Variants in RAD9B observed in about 807,000 individuals in gnomAD.
RAD9B encodes cell cycle checkpoint control protein RAD9B.
Under a neutral mutation model 48.3 loss-of-function variants are expected in RAD9B, and 41 were observed. The observed-to-expected ratio is 0.85, with a 90% confidence interval of 0.66 to 1.10. The LOEUF is 1.10. Ranked by LOEUF, RAD9B falls within the 50% of genes least tolerant of loss-of-function variation. The pLI, the probability that RAD9B is intolerant of heterozygous loss-of-function variation, is 0.00. For missense variants in RAD9B, 444 were observed against 485.1 expected, an observed-to-expected ratio of 0.92 and a Z score of 0.80; for synonymous variants, 160 against 157.9, an observed-to-expected ratio of 1.01 and a Z score of -0.10.
At chr12:110,517,750 TG>T (rs1470221779) in intron 6 of RAD9B, among the ~76,000 whole-genome samples, 2 of 68,464 alleles carry the variant, frequency 2.9e-5, no homozygotes, top group Non-Finnish European at 3.0e-5. Context: ...CACAAAACAT[TG>T]ACACACACAC....
chr12:110,519,592 G>C (rs969927254), intron 8 of RAD9B, among the ~76,000 whole-genome samples: 1 of 151,250 alleles, frequency 6.6e-6, no homozygotes, highest in Non-Finnish European at 1.5e-5. Context: ...CATCATGCCC[G>C]GCTAATTTTT....
chr12:110,507,531 A>T (rs12824570), intron 4 of RAD9B, among the ~76,000 whole-genome samples: 8 of 134,928 alleles, frequency 5.9e-5, no homozygotes, highest in Admixed American at 3.2e-4. Flanking sequence ...ATATGTATTA[A>T]ATATAATACA....
In RAD9B at chr12:110,530,856, A is replaced by T; in HGVS notation, c.*203A>T. The T allele has an allele frequency of 7.5e-7, 1 of 1,329,632 alleles. No homozygotes were observed. The highest frequency in any genetic ancestry group is 9.6e-7 in the Non-Finnish European group (1 of 1,038,054). The allele number at this position is 1,329,632 out of a possible 1,614,324, so 82.4% of individuals were successfully genotyped here. A position where few individuals can be genotyped will look rare whatever the true frequency, so the allele number is the denominator to read the frequency against. On this transcript the variant is annotated 3_prime_UTR_variant, in exon 11 of 11. Coordinates refer to ENST00000409300, the MANE Select transcript of RAD9B (RefSeq NM_001286535.2). ...AGTGTATGTAACTTGCTTTAAATCCATTATGCTACTTGTGAGGCAGAAGAG... is the reference window on the plus strand; with the variant it reads ...AGTGTATGTAACTTGCTTTAAATCCTTTATGCTACTTGTGAGGCAGAAGAG...
intron 5 of RAD9B, among the ~76,000 whole-genome samples, chr12:110,513,217 C>T (rs1328834003): frequency 6.6e-6 from 1 of 151,892 alleles, no homozygotes; most frequent in African/African-American, 2.4e-5. Context: ...ATCCACCTGC[C>T]TTGGCCCCCT....
rs967852732 is a variant in RAD9B at position 110,533,379 on chromosome 12, T to C, written c.*2726T>C. ...TCTTGGGTAATAAGACAAATAATGA[T>C]AGTCTCAACAGAAAAAAAGCAGCTC... On this transcript the variant is annotated 3_prime_UTR_variant, in exon 11 of 11. Transcript: ENST00000409300. 2.6e-5 allele frequency: 4 copies of C among 152,214 alleles called. No homozygotes were observed. The highest frequency in any genetic ancestry group is 4.4e-5 in the Non-Finnish European group (3 of 68,042). The allele number at this position is 152,214 out of a possible 1,614,324, so 9.4% of individuals were successfully genotyped here.
chr12:110,506,418 G>C (rs190940577), intron 3 of RAD9B, among the ~76,000 whole-genome samples, 161 bp from the exon 4 acceptor site: 1 of 146,436 alleles, frequency 6.8e-6, no homozygotes, highest in Non-Finnish European at 1.5e-5. Context: ...TCGATCTCCT[G>C]ACCTCGTGAT....
chr12:110,513,788 A>G (rs2135687814), intron 5 of RAD9B, among the ~76,000 whole-genome samples: 1 of 151,128 alleles, frequency 6.6e-6, no homozygotes, highest in South Asian at 2.1e-4. Flanking sequence ...CAGTGATGTG[A>G]TCTTGGCTCA....
intron 4 of RAD9B, among the ~76,000 whole-genome samples, chr12:110,512,088 G>A (rs2063477327): frequency 1.3e-5 from 2 of 150,578 alleles, no homozygotes; most frequent in Admixed American, 6.6e-5. Flanking sequence ...CTCATGATCC[G>A]CCCGCCTCAG....
Position 110,515,041 on chromosome 12 carries a change from A to G in RAD9B, c.489-9A>G, listed in dbSNP as rs780572337. The G allele has an allele frequency of 2.7e-6, 4 of 1,508,378 alleles. No homozygotes were observed. Among genetic ancestry groups the G allele is most frequent in the Non-Finnish European group, 3.6e-6 (4 of 1,108,290 alleles). The allele number at this position is 1,508,378 out of a possible 1,614,324, so 93.4% of individuals were successfully genotyped here. On this transcript the variant is annotated splice_polypyrimidine_tract_variant and intron_variant, in intron 5 of 10. Coordinates refer to ENST00000409300, the MANE Select transcript of RAD9B (RefSeq NM_001286535.2). ...AAATAATGTTAATACTGTTCTTTAC[A>G]TTTTATAGATTGCTTGCTGATGCCA...
intron 9 of RAD9B, among the ~76,000 whole-genome samples, chr12:110,520,628 C>CTTTTTTTTTTTTTTTTTTTGTTTTTTT (rs71083129): frequency 4.0e-5 from 4 of 99,968 alleles, no homozygotes; most frequent in African/African-American, 8.0e-5. Context: ...TTCTTGCTTT[C>CTTTTTTTTTTTTTTTTTTTGTTTTTTT]TTTTTTTTTT....
In RAD9B at chr12:110,502,367, C is replaced by T. The variant is rs1020788983; in HGVS notation, c.30C>T (p.Ser10=). 1 of 1,613,748 alleles carries T rather than the reference C, an allele frequency of 6.2e-7. No homozygotes were observed. The highest frequency in any genetic ancestry group is 8.5e-7 in the Non-Finnish European group (1 of 1,179,814). The change falls in exon 1 of 11, where the codon AGC becomes AGT. Residue 10 remains serine, a synonymous_variant. Transcript: ENST00000409300. ...CAGCCATGCTGAAGTGCGTGATGAG[C>T]GGCAGTCAGGTGAAAGGTGGAGCGG... MAAMLKCVM[S]GSQVKVFGKA...
chr12:110,517,971 G>A (rs1239799565), intron 6 of RAD9B, among the ~76,000 whole-genome samples: 2 of 152,044 alleles, frequency 1.3e-5, no homozygotes, highest in Non-Finnish European at 2.9e-5. Flanking sequence ...GGTGGATCAC[G>A]AGGTCAGGAG....
intron 8 of RAD9B, among the ~76,000 whole-genome samples, chr12:110,519,405 A>G (rs867085206): frequency 6.8e-6 from 1 of 147,022 alleles, no homozygotes; most frequent in Non-Finnish European, 1.5e-5. Flanking sequence ...CACCCGGCCT[A>G]CTGTTTGTTG....
rs535138267 is a variant in RAD9B at position 110,505,862 on chromosome 12, T to C, written c.273+90T>C. ...TGTATTCTATACTTAATAGTTTAAA[T>C]GGCATTCAGGACAAATCTGTTCATT... On this transcript the variant is annotated intron_variant, in intron 3 of 10. Transcript: ENST00000409300. The C allele has an allele frequency of 3.1e-5, 31 of 996,418 alleles. No individual in the cohort carries two copies. The East Asian group carries it at 8.5e-4, about 27-fold the overall frequency. The allele number at this position is 996,418 out of a possible 1,614,324, so 61.7% of individuals were successfully genotyped here.
At position 110,530,890 on chromosome 12, in the gene RAD9B, G is replaced by C. The variant is rs1229662916; in HGVS notation, c.*237G>C. The C allele has an allele frequency of 1.6e-6, 2 of 1,242,734 alleles. No homozygotes were observed. The highest frequency in any genetic ancestry group is 7.0e-5 in the East Asian group (2 of 28,550). The allele number at this position is 1,242,734 out of a possible 1,614,324, so 77.0% of individuals were successfully genotyped here. On this transcript the variant is annotated 3_prime_UTR_variant, in exon 11 of 11. Transcript: ENST00000409300. ...CTTGTGAGGCAGAAGAGTTTTCTGT[G>C]AAGGAAAAAAGCCCATTAGAGTTCT... is the stretch of plus-strand genomic sequence containing the variant.
At chr12:110,520,628 C>CTTTTTTTTTTTTTTTTTTTTTGTTTT (rs71083129) in intron 9 of RAD9B, among the ~76,000 whole-genome samples, 2 of 99,968 alleles carry the variant, frequency 2.0e-5, no homozygotes, top group Non-Finnish European at 3.7e-5. Flanking sequence ...TTCTTGCTTT[C>CTTTTTTTTTTTTTTTTTTTTTGTTTT]TTTTTTTTTT....
intron 2 of RAD9B, among the ~76,000 whole-genome samples, chr12:110,504,330 A>G (rs2063196118): frequency 6.6e-6 from 1 of 151,746 alleles, no homozygotes; most frequent in African/African-American, 2.4e-5. Context: ...TTAGCCTGGC[A>G]TGGTGGTGGG....
intron 5 of RAD9B, among the ~76,000 whole-genome samples, chr12:110,514,060 G>GCTTC (rs1555209322): frequency 2.7e-5 from 4 of 146,824 alleles, no homozygotes; most frequent in Non-Finnish European, 6.0e-5. Flanking sequence ...TTCCTTCCTT[G>GCTTC]CTTCCTTCCT....
At chr12:110,509,783 T>C (rs1395377895) in intron 4 of RAD9B, among the ~76,000 whole-genome samples, 2 of 152,224 alleles carry the variant, frequency 1.3e-5, no homozygotes, top group Non-Finnish European at 2.9e-5. Context: ...AACACACTTA[T>C]ATATGTATAG....
Sources: gnomAD v4.1 joint callset for allele counts (sites outside exome capture counted in the v4.1 genomes callset) on GRCh38, gnomAD v4.1.1 for gene constraint, MANE v1.5 for transcripts, NCBI Gene and HGNC (gene_info 2026-07-23, HGNC 2026-07-21) for gene names.